The following CHD3 variants were observed in gnomAD, a reference collection of about 807,000 sequenced individuals.
CHD3 encodes ATP-dependent chromatin remodeler CHD3.
In CHD3, 52 loss-of-function variants were observed where a neutral mutation model predicts 248.9. The observed-to-expected ratio is 0.21, with a 90% confidence interval of 0.17 to 0.26. The LOEUF is 0.26. Ranked by LOEUF, CHD3 falls within the 10% of genes least tolerant of loss-of-function variation. The pLI, the probability that CHD3 is intolerant of heterozygous loss-of-function variation, is 1.00. For synonymous variants in CHD3, 985 were observed against 985.2 expected (o/e 1.00, Z 0.00); for missense variants, 1,482 against 2,605.8 (o/e 0.57, Z 9.39).
In CHD3 at chr17:7,907,821, G is replaced by C; in HGVS notation, c.5027-73G>C. ...CTGTTTGAAAGGCCAGTACAGTACA[G>C]TACAGATAGTAGTCTTGGGACCTGG... On this transcript the variant is annotated intron_variant, in intron 33 of 39. Transcript: ENST00000330494. The surrounding 1 kb of genome is among the most constrained non-coding windows in gnomAD (Gnocchi z 4.3). The C allele has an allele frequency of 6.4e-7, 1 of 1,562,320 alleles. No individual in the cohort carries two copies. The highest frequency in any genetic ancestry group is 1.2e-5 in the South Asian group (1 of 85,458).
In CHD3 at chr17:7,909,076, CG is replaced by C; in HGVS notation, c.5395-66del. The C allele has an allele frequency of 6.5e-7, 1 of 1,539,660 alleles. No individual in the cohort carries two copies. Among genetic ancestry groups the C allele is most frequent in the Non-Finnish European group, 8.8e-7 (1 of 1,139,836 alleles). ...GGCAGGGTGGGTCTCTTGCTATGTCCGCCCCCCCAGCCCCTCACCCACTGCT... is the reference window on the plus strand; with the variant it reads ...GGCAGGGTGGGTCTCTTGCTATGTCCCCCCCCCAGCCCCTCACCCACTGCT... On this transcript the variant is annotated intron_variant, in intron 36 of 39. Coordinates refer to ENST00000330494, the MANE Select transcript of CHD3 (RefSeq NM_001005273.3). This position sits in a 1 kb window ranked among gnomAD's most constrained non-coding sequence, Gnocchi z 8.1.
intron 6 of CHD3, 52 bp from the exon 7 acceptor site, chr17:7,894,063 G>C: frequency 1.3e-6 from 2 of 1,598,214 alleles, no homozygotes; most frequent in Non-Finnish European, 1.7e-6. Context: ...AAAGGCCTGG[G>C]GAGGGCGTAG....
chr17:7,896,456 A>C (rs1269632949), intron 10 of CHD3, among the ~76,000 whole-genome samples: 1 of 141,310 alleles, frequency 7.1e-6, no homozygotes, highest in Non-Finnish European at 1.5e-5. Flanking sequence ...CCTAGGCTGG[A>C]GTGCAGTGGC....
At position 7,908,984 on chromosome 17, in the gene CHD3, C is replaced by T. The variant is rs1207533806; in HGVS notation, c.5394+155C>T. 6.6e-6 allele frequency among the ~76,000 whole-genome samples: 1 copy of T among 152,138 alleles called. No homozygotes were observed. The highest frequency in any genetic ancestry group is 1.5e-5 in the Non-Finnish European group (1 of 68,030). On this transcript the variant is annotated intron_variant, in intron 36 of 39. Coordinates refer to ENST00000330494, the MANE Select transcript of CHD3 (RefSeq NM_001005273.3). The surrounding 1 kb of genome is among the most constrained non-coding windows in gnomAD (Gnocchi z 5.8). The stretch of plus-strand genomic sequence containing the variant: ...GTAACCTTGTGCTTGGGAGTGTGAT[C>T]TGGGTCAGGGTTGCTGCTAGGTTCG...
chr17:7,903,111 G>A lies in CHD3; in HGVS notation c.3495+50G>A. On this transcript the variant is annotated intron_variant, in intron 22 of 39. Coordinates refer to ENST00000330494, the MANE Select transcript of CHD3 (RefSeq NM_001005273.3). This position sits in a 1 kb window ranked among gnomAD's most constrained non-coding sequence, Gnocchi z 6.8. ...CTGCACCATTTAGCAAGGAGATGTG[G>A]GTTCATGGAGGAGGGTGTCATGTTC... 1 of 1,595,744 alleles carries A rather than the reference G, an allele frequency of 6.3e-7. No individual in the cohort carries two copies. The highest frequency in any genetic ancestry group is 8.6e-7 in the Non-Finnish European group (1 of 1,167,262).
chr17:7,909,493 C>A lies in CHD3; in HGVS notation c.5590+155C>A, dbSNP rs1971390779. 1 of 1,158,054 alleles carries A rather than the reference C, an allele frequency of 8.6e-7. No individual in the cohort carries two copies. Among genetic ancestry groups the A allele is most frequent in the Admixed American group, 2.9e-5 (1 of 33,936 alleles). 71.7% of individuals were successfully genotyped at this position (1,158,054 alleles called of 1,614,324 possible). On this transcript the variant is annotated intron_variant, in intron 37 of 39. Coordinates refer to ENST00000330494, the MANE Select transcript of CHD3 (RefSeq NM_001005273.3). This position sits in a 1 kb window ranked among gnomAD's most constrained non-coding sequence, Gnocchi z 8.1. ...CCCACTCCTACCGACCTGGCACCCCCTTGGATTTTAGCCTCTAGGACTTGT... is the reference window on the plus strand; with the variant it reads ...CCCACTCCTACCGACCTGGCACCCCATTGGATTTTAGCCTCTAGGACTTGT...
chr17:7,908,854 G>C lies in CHD3; in HGVS notation c.5394+25G>C, dbSNP rs191465469. The C allele has an allele frequency of 1.1e-5, 17 of 1,614,008 alleles. No homozygotes were observed. The South Asian group carries it at 1.5e-4, about 15-fold the overall frequency. On this transcript the variant is annotated intron_variant, in intron 36 of 39. Transcript: ENST00000330494. This position sits in a 1 kb window ranked among gnomAD's most constrained non-coding sequence, Gnocchi z 5.8. ...GGTGGGAATGAGGGAGGAAAGGAGC[G>C]GGTTATAGACGGGCTTGGGTCAGAA...
chr17:7,906,392 G>T lies in CHD3; in HGVS notation c.4359-161G>T. The T allele has an allele frequency of 1.4e-6, 1 of 740,578 alleles. No homozygotes were observed. The highest frequency in any genetic ancestry group is 2.3e-6 in the Non-Finnish European group (1 of 438,448). 45.9% of individuals were successfully genotyped at this position (740,578 alleles called of 1,614,324 possible). A position where few individuals can be genotyped will look rare whatever the true frequency, so the allele number is the denominator to read the frequency against. ...GGGCGCAGGGGGACAGTTAGGACTT[G>T]GAGGGCTGGTAATGGTGAGAGTGAG... On this transcript the variant is annotated intron_variant, in intron 28 of 39. Transcript: ENST00000330494. This position sits in a 1 kb window ranked among gnomAD's most constrained non-coding sequence, Gnocchi z 5.0.
intron 4 of CHD3, 107 bp downstream of exon 4, chr17:7,891,171 C>A: frequency 7.6e-7 from 1 of 1,321,590 alleles, no homozygotes; most frequent in Non-Finnish European, 1.1e-6. Context: ...CCAGAGAATT[C>A]ACGGTGTATA....
rs368579336 is a variant in CHD3 at position 7,897,995 on chromosome 17, C to T, written c.1944C>T (p.His648=). 1.4e-5 allele frequency: 22 copies of T among 1,613,946 alleles called. No homozygotes were observed. Among genetic ancestry groups the T allele is most frequent in the Non-Finnish European group, 1.7e-5 (20 of 1,179,958 alleles). ...GTGTGGATAAAAAGGGGAATTACCACTATCTAGTAAAATGGAGGGACTTAC... is the reference window on the plus strand; with the variant it reads ...GTGTGGATAAAAAGGGGAATTACCATTATCTAGTAAAATGGAGGGACTTAC... ...NHSVDKKGNY[H]YLVKWRDLPY... is the part of the protein sequence containing the mutation. Residue 648 remains histidine, a synonymous_variant, in exon 12 of 40, where the codon CAC becomes CAT. Coordinates refer to ENST00000330494, the MANE Select transcript of CHD3 (RefSeq NM_001005273.3). The surrounding 1 kb of genome is among the most constrained non-coding windows in gnomAD (Gnocchi z 4.8).
In CHD3 at chr17:7,905,260, CGT is replaced by C; in HGVS notation, c.4138+105_4138+106del. 7 of 1,180,854 alleles carry C rather than the reference CGT, an allele frequency of 5.9e-6. No individual in the cohort carries two copies. Among genetic ancestry groups the C allele is most frequent in the Non-Finnish European group, 7.6e-6 (6 of 793,296 alleles). The allele number at this position is 1,180,854 out of a possible 1,614,324, so 73.1% of individuals were successfully genotyped here. Reference sequence around the variant, plus strand: ...GTTTTTATACAAGTAAAAAAGTCTTCGTGTGTGTGTGGAAAAACTCGATTGCA... The same window carrying C: ...GTTTTTATACAAGTAAAAAAGTCTTCGTGTGTGTGGAAAAACTCGATTGCA... On this transcript the variant is annotated intron_variant, in intron 26 of 39. Transcript: ENST00000330494. The surrounding 1 kb of genome is among the most constrained non-coding windows in gnomAD (Gnocchi z 5.8).
upstream of CHD3, among the ~76,000 whole-genome samples, chr17:7,886,905 C>T (rs1254974758): frequency 6.6e-6 from 1 of 152,020 alleles, no homozygotes; most frequent in Non-Finnish European, 1.5e-5. The surrounding 1 kb of genome is among the most constrained non-coding windows in gnomAD (Gnocchi z 4.2). Context: ...GTCAACCCGG[C>T]CTCCCCTTTC....
Position 7,908,147 on chromosome 17 carries a change from C to T in CHD3, c.5152+128C>T. ...AACTTCCAATGAAGTATGTTGCATG[C>T]TGACTCCGATCCTTGCTCTAAATCT... is the stretch of plus-strand genomic sequence containing the variant. On this transcript the variant is annotated intron_variant, in intron 34 of 39. Coordinates refer to ENST00000330494, the MANE Select transcript of CHD3 (RefSeq NM_001005273.3). This position sits in a 1 kb window ranked among gnomAD's most constrained non-coding sequence, Gnocchi z 5.8. The T allele has an allele frequency of 1.7e-6, 2 of 1,184,014 alleles. No homozygotes were observed. Among genetic ancestry groups the T allele is most frequent in the Non-Finnish European group, 2.4e-6 (2 of 838,470 alleles). The allele number at this position is 1,184,014 out of a possible 1,614,324, so 73.3% of individuals were successfully genotyped here.
Position 7,897,040 on chromosome 17 carries a change from A to G in CHD3, c.1708-43A>G, listed in dbSNP as rs1382485965. On this transcript the variant is annotated intron_variant, in intron 10 of 39. Coordinates refer to ENST00000330494, the MANE Select transcript of CHD3 (RefSeq NM_001005273.3). This position sits in a 1 kb window ranked among gnomAD's most constrained non-coding sequence, Gnocchi z 4.8. ...TCCCGGTTCCTTGTTGTCCTCTGTG[A>G]GTGTCAGGACTATCTCTTTCCCTTT... 1 of 1,526,508 alleles carries G rather than the reference A, an allele frequency of 6.6e-7. No homozygotes were observed. The highest frequency in any genetic ancestry group is 9.1e-7 in the Non-Finnish European group (1 of 1,100,668). 94.6% of individuals were successfully genotyped at this position (1,526,508 alleles called of 1,614,324 possible).
Position 7,902,714 on chromosome 17 carries a change from C to T in CHD3, c.3357C>T (p.Ile1119=), listed in dbSNP as rs758482317. Residue 1119 remains isoleucine, a synonymous_variant, in exon 21 of 40, where the codon ATC becomes ATT. Transcript: ENST00000330494. The part of the protein sequence containing the change: ...GITGALRQEA[I]DRFNAPGAQQ... Reference sequence around the variant, plus strand: ...CGGGTGCCCTGAGGCAGGAGGCCATCGATCGGTTTAATGGTGAGGGAGATA... The same window carrying T: ...CGGGTGCCCTGAGGCAGGAGGCCATTGATCGGTTTAATGGTGAGGGAGATA... 6.2e-6 allele frequency: 10 copies of T among 1,613,300 alleles called. No homozygotes were observed. The Admixed American group carries it at 1.0e-4, about 16-fold the overall frequency.
At position 7,907,896 on chromosome 17, in the gene CHD3, G is replaced by T; in HGVS notation, c.5029G>T (p.Asp1677Tyr). The change falls in exon 34 of 40, where the codon GAT becomes TAT. Residue 1677 changes from aspartate to tyrosine, a missense_variant and splice_region_variant. Around this residue, in one of 20 missense-constraint regions of CHD3, gnomAD observed 254 missense variants for 266.7 expected, o/e 0.95. Transcript: ENST00000330494. The surrounding 1 kb of genome is among the most constrained non-coding windows in gnomAD (Gnocchi z 4.3). ...CTTTGACCTGTCTGTCCTAGCAGAA[G>T]ATGTAAAAGGTGACCGGGAGCTTCG... Reference protein sequence around the residue: ...GETGDLGKREDVKGDRELRPG... With the variant: ...GETGDLGKREYVKGDRELRPG... The T allele has an allele frequency of 6.2e-7, 1 of 1,611,244 alleles. No homozygotes were observed.
rs556091139 is a variant in CHD3 at position 7,910,820 on chromosome 17, C to G, written c.5755-27C>G. 1 of 1,583,866 alleles carries G rather than the reference C, an allele frequency of 6.3e-7. No homozygotes were observed. Among genetic ancestry groups the G allele is most frequent in the Non-Finnish European group, 8.6e-7 (1 of 1,169,058 alleles). ...TCCTCTCACAGACTATGAACTAACT[C>G]CAACTTCTGCTTCCTCTCTGTTCCA... On this transcript the variant is annotated intron_variant, in intron 38 of 39. Transcript: ENST00000330494. The surrounding 1 kb of genome is among the most constrained non-coding windows in gnomAD (Gnocchi z 4.7).
Position 7,906,413 on chromosome 17 carries a change from G to A in CHD3, c.4359-140G>A. The A allele has an allele frequency of 1.2e-6, 1 of 832,494 alleles. No individual in the cohort carries two copies. The highest frequency in any genetic ancestry group is 1.9e-6 in the Non-Finnish European group (1 of 515,430). 51.6% of individuals were successfully genotyped at this position (832,494 alleles called of 1,614,324 possible). A position where few individuals can be genotyped will look rare whatever the true frequency, so the allele number is the denominator to read the frequency against. On this transcript the variant is annotated intron_variant, in intron 28 of 39. Transcript: ENST00000330494. The surrounding 1 kb of genome is among the most constrained non-coding windows in gnomAD (Gnocchi z 5.0). The stretch of plus-strand genomic sequence containing the variant: ...ACTTGGAGGGCTGGTAATGGTGAGA[G>A]TGAGAGGCCCAGGGGAGGAGCCCTG...
rs1285204824 is a variant in CHD3 at position 7,900,738 on chromosome 17, T to C, written c.2978+7T>C. The C allele has an allele frequency of 1.2e-6, 2 of 1,610,944 alleles. No homozygotes were observed. The highest frequency in any genetic ancestry group is 1.3e-5 in the African/African-American group (1 of 74,824). ...AGCTAAGCCCCATGCAGAAGTAAGA[T>C]GCAAGACGAGCTGCCTGGAGTAGGG... On this transcript the variant is annotated splice_region_variant and intron_variant, in intron 18 of 39. Transcript: ENST00000330494. The surrounding 1 kb of genome is among the most constrained non-coding windows in gnomAD (Gnocchi z 6.5).
Sources: allele counts gnomAD v4.1 joint callset (sites outside exome capture counted in the v4.1 genomes callset), GRCh38; gene constraint gnomAD v4.1.1; regional missense constraint gnomAD v4.1.1; non-coding constraint Gnocchi (gnomAD v3.1); transcripts MANE v1.5; gene names NCBI Gene and HGNC (gene_info 2026-07-23, HGNC 2026-07-21).